NELL1: variants seen among roughly 807,000 people sequenced by gnomAD.
The protein encoded by NELL1 is neural EGFL like 1, also known as protein kinase C-binding protein NELL1.
Under a neutral mutation model 107.4 loss-of-function variants are expected in NELL1, and 76 were observed. That is an observed-to-expected ratio of 0.71 (90% CI 0.59 to 0.86). The LOEUF is 0.86. Ranked by LOEUF, NELL1 falls within the 40% of genes least tolerant of loss-of-function variation. The probability of loss-of-function intolerance (pLI) is 0.00; values close to 1 mark genes in which losing one functional copy is unlikely to be tolerated. For synonymous variants in NELL1, 353 were observed against 341.2 expected, an observed-to-expected ratio of 1.03 and a Z score of -0.38; for missense variants, 1,024 against 1,005.5, an observed-to-expected ratio of 1.02 and a Z score of -0.25.
intron 18 of NELL1, among the ~76,000 whole-genome samples, chr11:21,571,659 T>C (rs1373298576): frequency 6.6e-6 from 1 of 151,860 alleles, no homozygotes; most frequent in African/African-American, 2.4e-5. Flanking sequence ...TAAATATTAA[T>C]ATAGGGCTAC....
chr11:21,310,475 A>T (rs12288895), intron 14 of NELL1, among the ~76,000 whole-genome samples: 35,366 of 151,978 alleles, frequency 0.23, 5,080 homozygotes, highest in Middle Eastern at 0.38. Flanking sequence ...TTGGTAATCT[A>T]GTCAGAAGAT....
At chr11:21,386,454 C>T (rs770449652) in intron 15 of NELL1, among the ~76,000 whole-genome samples, 1 of 151,830 alleles carries the variant, frequency 6.6e-6, no homozygotes, top group Non-Finnish European at 1.5e-5. Context: ...GTCCCCACTT[C>T]CTTCCATAGA....
At chr11:21,292,015 C>T (rs1849275907) in intron 14 of NELL1, among the ~76,000 whole-genome samples, 1 of 152,288 alleles carries the variant, frequency 6.6e-6, no homozygotes, top group Admixed American at 6.5e-5. Context: ...GAAAACCACA[C>T]AGGACAAGGA....
chr11:20,769,025 T>C (rs940187670), intron 2 of NELL1, among the ~76,000 whole-genome samples: 1 of 152,160 alleles, frequency 6.6e-6, no homozygotes, highest in South Asian at 2.1e-4. Context: ...AAAAGGATCT[T>C]CCTGATTTTC....
intron 4 of NELL1, among the ~76,000 whole-genome samples, chr11:20,858,736 G>A (rs2134070789): frequency 6.6e-6 from 1 of 152,308 alleles, no homozygotes; most frequent in Non-Finnish European, 1.5e-5. Context: ...GGGGTGGGGA[G>A]GGACTGCAGT....
intron 17 of NELL1, among the ~76,000 whole-genome samples, chr11:21,567,051 A>T (rs1856989052): frequency 6.6e-6 from 1 of 151,794 alleles, no homozygotes; most frequent in African/African-American, 2.4e-5. Flanking sequence ...ATTGAGTCTC[A>T]TAGCCTGTTG....
intron 5 of NELL1, among the ~76,000 whole-genome samples, chr11:20,913,059 A>G (rs1222502765): frequency 6.6e-6 from 1 of 152,140 alleles, no homozygotes; most frequent in Admixed American, 6.6e-5. Flanking sequence ...GCATGCTGGA[A>G]TATTTTATTA....
At chr11:20,937,624 G>A (rs922508589) in intron 9 of NELL1, among the ~76,000 whole-genome samples, 162 bp from the exon 10 acceptor site, 1 of 152,216 alleles carries the variant, frequency 6.6e-6, no homozygotes, top group Non-Finnish European at 1.5e-5. Flanking sequence ...AGATTTAAGG[G>A]TTATCCTCCA....
At chr11:21,133,863 A>G (rs910948321) in intron 13 of NELL1, among the ~76,000 whole-genome samples, 36 of 152,242 alleles carry the variant, frequency 2.4e-4, no homozygotes, top group Non-Finnish European at 3.1e-4. Flanking sequence ...CTGCAGCTGC[A>G]CCTGGAGGGT....
intron 12 of NELL1, among the ~76,000 whole-genome samples, chr11:20,994,891 C>T (rs1402040543): frequency 1.3e-5 from 2 of 152,128 alleles, no homozygotes; most frequent in African/African-American, 4.8e-5. Flanking sequence ...ATTATTGTTT[C>T]TAACAAATTC....
intron 12 of NELL1, among the ~76,000 whole-genome samples, chr11:21,094,210 T>A (rs939567413): frequency 6.6e-6 from 1 of 152,200 alleles, no homozygotes; most frequent in Non-Finnish European, 1.5e-5. Context: ...CAGTCAAATC[T>A]TAAAATTCCA....
intron 12 of NELL1, among the ~76,000 whole-genome samples, chr11:21,083,421 A>G (rs935212670): frequency 1.3e-5 from 2 of 152,132 alleles, no homozygotes; most frequent in African/African-American, 2.4e-5. Flanking sequence ...GAAACAAGTG[A>G]CTTGCTCGAG....
intron 15 of NELL1, among the ~76,000 whole-genome samples, chr11:21,500,165 C>T (rs1855098498): frequency 6.6e-6 from 1 of 152,024 alleles, no homozygotes; most frequent in South Asian, 2.1e-4. Flanking sequence ...ACAGAAAAAT[C>T]TTGTCTTCCT....
chr11:20,928,299 T>G, intron 8 of NELL1, 78 bp from the exon 9 acceptor site: 326 of 1,284,412 alleles, frequency 2.5e-4, no homozygotes, highest in Middle Eastern at 3.7e-4. Context: ...GTTTCTGGGA[T>G]GAGATTTCAA....
intron 2 of NELL1, among the ~76,000 whole-genome samples, chr11:20,728,624 T>A (rs2133918755): frequency 6.6e-6 from 1 of 152,188 alleles, no homozygotes; most frequent in Admixed American, 6.5e-5. Context: ...TGGCTGTAGA[T>A]TTGTGGCTTT....
chr11:21,379,983 G>A (rs1851572546), intron 15 of NELL1, among the ~76,000 whole-genome samples: 1 of 152,052 alleles, frequency 6.6e-6, no homozygotes, highest in South Asian at 2.1e-4. Context: ...CCATAACAGA[G>A]AATACAATAT....
chr11:21,014,272 G>A (rs1033633581), intron 12 of NELL1, among the ~76,000 whole-genome samples: 1 of 152,076 alleles, frequency 6.6e-6, no homozygotes, highest in Non-Finnish European at 1.5e-5. Context: ...ATCAAGCCAT[G>A]TGCCCTGCAG....
chr11:21,456,718 A>G (rs1564903452), intron 15 of NELL1, among the ~76,000 whole-genome samples: 1 of 152,168 alleles, frequency 6.6e-6, no homozygotes, highest in Non-Finnish European at 1.5e-5. Context: ...CAGATTAAAA[A>G]ATACTACGAA....
intron 2 of NELL1, among the ~76,000 whole-genome samples, chr11:20,681,147 T>A (rs558917501): frequency 2.6e-5 from 4 of 152,292 alleles, no homozygotes; most frequent in African/African-American, 9.6e-5. Flanking sequence ...TGTCTCCTTT[T>A]ATTGTGTTTT....
Sources: gnomAD v4.1 joint callset for allele counts (sites outside exome capture counted in the v4.1 genomes callset) on GRCh38, gnomAD v4.1.1 for gene constraint, MANE v1.5 for transcripts, NCBI Gene and HGNC (gene_info 2026-07-23, HGNC 2026-07-21) for gene names.